The following KCNB2 variants were observed in gnomAD, a reference collection of about 807,000 sequenced individuals.
The protein encoded by KCNB2 is delayed rectifier potassium channel protein.
Under a neutral mutation model 61.5 loss-of-function variants are expected in KCNB2, and 15 were observed. That is an observed-to-expected ratio of 0.24 (90% confidence interval 0.16 to 0.38). The LOEUF (loss-of-function observed/expected upper bound fraction) is 0.38. Ranked by LOEUF, KCNB2 falls within the 10% of genes least tolerant of loss-of-function variation. KCNB2 has a pLI of 1.00. For missense variants in KCNB2, 828 were observed against 1,125.2 expected, an observed-to-expected ratio of 0.74 and a Z score of 3.78; for synonymous variants, 457 against 446.0, an observed-to-expected ratio of 1.02 and a Z score of -0.31.
At chr8:72,867,428 G>A (rs1213165721) in intron 2 of KCNB2, among the ~76,000 whole-genome samples, 1 of 152,152 alleles carries the variant, frequency 6.6e-6, no homozygotes, top group Non-Finnish European at 1.5e-5. Flanking sequence ...CGGGTGGATT[G>A]CTTAAGCCCA....
intron 2 of KCNB2, among the ~76,000 whole-genome samples, chr8:72,718,504 C>G (rs993215158): frequency 1.6e-4 from 24 of 152,068 alleles, no homozygotes; most frequent in Non-Finnish European, 3.1e-4. Flanking sequence ...ATGAGTTCAT[C>G]TCTTTTGTAG....
chr8:72,874,368 G>T (rs1176344374), intron 2 of KCNB2, among the ~76,000 whole-genome samples: 1 of 152,152 alleles, frequency 6.6e-6, no homozygotes, highest in Non-Finnish European at 1.5e-5. Flanking sequence ...TGACGAGCCA[G>T]CACCTCTATC....
At chr8:72,725,527 A>ATG (rs371929824) in intron 2 of KCNB2, among the ~76,000 whole-genome samples, 9,058 of 89,736 alleles carry the variant, frequency 0.1, 925 homozygotes, top group African/African-American at 0.27. Flanking sequence ...ATATATATAT[A>ATG]TATATATATA....
intron 2 of KCNB2, among the ~76,000 whole-genome samples, chr8:72,717,501 T>C (rs2128992430): frequency 6.6e-6 from 1 of 152,264 alleles, no homozygotes; most frequent in South Asian, 2.1e-4. Context: ...CCCTCCAAAA[T>C]AATGCCGCAA....
intron 2 of KCNB2, among the ~76,000 whole-genome samples, chr8:72,598,188 G>A (rs1015868571): frequency 7.0e-6 from 1 of 142,728 alleles, no homozygotes; most frequent in African/African-American, 3.1e-5. Flanking sequence ...GAACATTGAT[G>A]CAAAAATCCT....
At chr8:72,851,907 T>C (rs1054427865) in intron 2 of KCNB2, among the ~76,000 whole-genome samples, 3 of 140,256 alleles carry the variant, frequency 2.1e-5, no homozygotes, top group Admixed American at 1.6e-4. Context: ...TGATTAGATA[T>C]AAGAAAATCT....
In KCNB2 at chr8:72,789,076, G is replaced by C. The variant is rs1007739329; in HGVS notation, c.580-146859G>C. On this transcript the variant is annotated intron_variant, in intron 2 of 2. Transcript: ENST00000523207. Reference sequence around the variant, plus strand: ...ATGACTCACAGGCCACTGGGAAAGGGAGACATGTAAAGAAGTAATTGTGAC... The same window carrying C: ...ATGACTCACAGGCCACTGGGAAAGGCAGACATGTAAAGAAGTAATTGTGAC... Among the ~76,000 whole-genome samples, 13 of 152,250 alleles carry C rather than the reference G, an allele frequency of 8.5e-5. No individual in the cohort carries two copies. In the East Asian group the frequency reaches 2.3e-3, roughly 27 times the overall value.
chr8:72,550,990 G>A (rs1459255823), intron 1 of KCNB2, among the ~76,000 whole-genome samples: 1 of 152,140 alleles, frequency 6.6e-6, no homozygotes, highest in East Asian at 1.9e-4. Flanking sequence ...TTAGGAAGAA[G>A]CCTCTTTTAA....
chr8:72,757,655 G>C (rs891058531), intron 2 of KCNB2, among the ~76,000 whole-genome samples: 1 of 152,140 alleles, frequency 6.6e-6, no homozygotes, highest in Non-Finnish European at 1.5e-5. Context: ...GTGTGTGTGT[G>C]TGTGATCCTA....
chr8:72,590,850 C>G (rs192791655), intron 2 of KCNB2, among the ~76,000 whole-genome samples: 52 of 152,204 alleles, frequency 3.4e-4, no homozygotes, highest in Admixed American at 1.5e-3. Context: ...CTTACGTACT[C>G]CAGTTAAAAC....
intron 2 of KCNB2, among the ~76,000 whole-genome samples, chr8:72,781,117 C>T (rs1808746190): frequency 1.3e-5 from 2 of 151,910 alleles, no homozygotes; most frequent in Admixed American, 1.3e-4. Flanking sequence ...AGATATTAGA[C>T]CTTTGTCAGA....
intron 2 of KCNB2, among the ~76,000 whole-genome samples, chr8:72,640,076 A>G (rs1188754992): frequency 1.3e-5 from 2 of 151,852 alleles, no homozygotes; most frequent in East Asian, 1.9e-4. Flanking sequence ...CCAAGATGGT[A>G]TGGGGTGGCC....
At chr8:72,928,803 C>T (rs1806710867) in intron 2 of KCNB2, among the ~76,000 whole-genome samples, 1 of 150,512 alleles carries the variant, frequency 6.6e-6, no homozygotes, top group Non-Finnish European at 1.5e-5. Context: ...CATTGGCAAA[C>T]TAGATAGTTC....
chr8:72,598,665 CT>C (rs1807238536), intron 2 of KCNB2, among the ~76,000 whole-genome samples: 1 of 152,204 alleles, frequency 6.6e-6, no homozygotes, highest in Non-Finnish European at 1.5e-5. Context: ...CAAATTGTCC[CT>C]GTTTGCAGAT....
At chr8:72,698,336 C>A (rs1263688688) in intron 2 of KCNB2, among the ~76,000 whole-genome samples, 4 of 151,872 alleles carry the variant, frequency 2.6e-5, no homozygotes, top group Admixed American at 1.3e-4. Context: ...AGGAGAACTA[C>A]AAAACACTGC....
At position 72,841,372 on chromosome 8, in the gene KCNB2, CTTTT is replaced by C. The variant is rs769263287; in HGVS notation, c.580-94548_580-94545del. 8.2e-4 allele frequency among the ~76,000 whole-genome samples: 28 copies of C among 34,264 alleles called. 1 individual carries two copies. Among genetic ancestry groups the C allele is most frequent in the African/African-American group, 1.5e-3 (19 of 13,070 alleles). The allele number at this position is 34,264 out of a possible 152,430, so 22.5% of individuals were successfully genotyped here. Reference sequence around the variant, plus strand: ...CTTTGTTTTCTTTTCTTTTTTTTTTCTTTTTTTTTTTTTTTTTTGCTTAGGATTG... The same window carrying C: ...CTTTGTTTTCTTTTCTTTTTTTTTTCTTTTTTTTTTTTTTGCTTAGGATTG... On this transcript the variant is annotated intron_variant, in intron 2 of 2. Transcript: ENST00000523207.
chr8:72,908,210 A>G (rs907210495), intron 2 of KCNB2, among the ~76,000 whole-genome samples: 2 of 152,112 alleles, frequency 1.3e-5, no homozygotes, highest in African/African-American at 4.8e-5. Context: ...TCCCCATTTT[A>G]TACTTAATTT....
chr8:72,929,771 C>G (rs1460316631), intron 2 of KCNB2, among the ~76,000 whole-genome samples: 1 of 152,082 alleles, frequency 6.6e-6, no homozygotes, highest in Non-Finnish European at 1.5e-5. Context: ...ACTTCCCTGG[C>G]CGTATACACA....
At chr8:72,674,354 A>G (rs1027501128) in intron 2 of KCNB2, among the ~76,000 whole-genome samples, 3 of 152,244 alleles carry the variant, frequency 2.0e-5, no homozygotes, top group Non-Finnish European at 4.4e-5. Context: ...AACACCATTT[A>G]TGTTAACAAC....
Sources: gnomAD v4.1 joint callset for allele counts (sites outside exome capture counted in the v4.1 genomes callset) on GRCh38, gnomAD v4.1.1 for gene constraint, MANE v1.5 for transcripts, NCBI Gene and HGNC (gene_info 2026-07-23, HGNC 2026-07-21) for gene names.